Variants in FSIP2 observed in about 807,000 individuals in gnomAD.
FSIP2 encodes the protein fibrous sheath interacting protein 2.
FSIP2 carries 367 observed loss-of-function variants against 510.5 expected under a neutral mutation model. The ratio of observed to expected loss-of-function variants is 0.72; its 90% CI spans 0.66 to 0.78. FSIP2 has a LOEUF of 0.78. Ranked by LOEUF, FSIP2 falls within the 30% of genes least tolerant of loss-of-function variation. The pLI is 0.00. For synonymous variants in FSIP2, 2,601 were observed against 2,732.2 expected, an observed-to-expected ratio of 0.95 and a Z score of 1.50; for missense variants, 7,594 against 7,901.7, an observed-to-expected ratio of 0.96 and a Z score of 1.48.
rs543269891 is a variant in FSIP2, at chr2:185,782,218, A to T, written c.1412-487A>T. On this transcript the variant is annotated intron_variant, in intron 13 of 22. Transcript: ENST00000424728. ...ATCAGGTGTACACAAGAGTAAACATAATTACTGTGTAGCATGATGAGTTTT... is the reference window on the plus strand; with the variant it reads ...ATCAGGTGTACACAAGAGTAAACATTATTACTGTGTAGCATGATGAGTTTT... Among the ~76,000 whole-genome samples, 163 of 152,302 alleles carry T rather than the reference A, an allele frequency of 1.1e-3. 5 individuals carry two copies. In the South Asian group the frequency reaches 0.033, roughly 31 times the overall value.
At position 185,795,578 on chromosome 2, in the gene FSIP2, A is replaced by G; in HGVS notation, c.8442A>G (p.Gln2814=). 3.9e-6 allele frequency: 6 copies of G among 1,535,130 alleles called. No homozygotes were observed. The highest frequency in any genetic ancestry group is 1.4e-5 in the African/African-American group (1 of 73,024). The change falls in exon 16 of 23, where the codon CAA becomes CAG. Residue 2814 remains glutamine, a synonymous_variant. Transcript: ENST00000424728. ...TAGGCACAGGATCCCTTCCTAAACAACAAGCATGTTTTTACTTGGAGAATG... is the reference window on the plus strand; with the variant it reads ...TAGGCACAGGATCCCTTCCTAAACAGCAAGCATGTTTTTACTTGGAGAATG... The part of the protein sequence containing the change: ...GNIGTGSLPK[Q]QACFYLENVS...
upstream of FSIP2, among the ~76,000 whole-genome samples, chr2:185,737,228 A>G (rs749501548): frequency 2.3e-4 from 35 of 152,194 alleles, no homozygotes; most frequent in Non-Finnish European, 3.8e-4. Flanking sequence ...GTAAGGTAAT[A>G]TATTTGTGGT....
intron 17 of FSIP2, among the ~76,000 whole-genome samples, chr2:185,809,706 G>A (rs1045157521): frequency 1.3e-5 from 2 of 151,698 alleles, no homozygotes; most frequent in Admixed American, 6.6e-5. Flanking sequence ...ATTTGCCCTG[G>A]CCTCTCAAGA....
chr2:185,739,092 C>T, intron 1 of FSIP2, 99 bp downstream of exon 1: 1 of 1,389,196 alleles, frequency 7.2e-7, no homozygotes, highest in Non-Finnish European at 9.5e-7. Context: ...AGGCTCCCAA[C>T]TGTCCCCCGT....
In FSIP2 at chr2:185,789,274, G is replaced by A. The variant is rs1390911813; in HGVS notation, c.2138G>A (p.Arg713Gln). The A allele has an allele frequency of 8.5e-6, 13 of 1,534,464 alleles. No individual in the cohort carries two copies. In the Middle Eastern group the frequency reaches 5.0e-4, roughly 59 times the overall value. ...ETEVILESIL[R>Q]EIMSDLTQAI... The stretch of plus-strand genomic sequence containing the variant: ...GAAGTGATTTTAGAAAGCATTTTGC[G>A]AGAAATAATGTCTGATTTAACCCAG... The change falls in exon 16 of 23, where the codon CGA becomes CAA. Residue 713 changes from arginine (R) to glutamine (Q), a missense_variant. Coordinates refer to ENST00000424728, the MANE Select transcript of FSIP2 (RefSeq NM_173651.4).
chr2:185,806,781 T>C lies in FSIP2; in HGVS notation c.17475T>C (p.Tyr5825=). ...VSDKQNQAKL[Y]DTAMKLINSL... ...ATAAGCAAAATCAAGCCAAACTCTATGACACTGCTATGAAACTCATCAATT... is the reference window on the plus strand; with the variant it reads ...ATAAGCAAAATCAAGCCAAACTCTACGACACTGCTATGAAACTCATCAATT... The change falls in exon 17 of 23, where the codon TAT becomes TAC. Residue 5825 remains tyrosine (Y), a synonymous_variant. Coordinates refer to ENST00000424728, the MANE Select transcript of FSIP2 (RefSeq NM_173651.4). 2 of 1,612,020 alleles carry C rather than the reference T, an allele frequency of 1.2e-6. No individual in the cohort carries two copies.
At chr2:185,763,642 AT>A (rs998470355) in intron 12 of FSIP2, among the ~76,000 whole-genome samples, 3 of 151,434 alleles carry the variant, frequency 2.0e-5, no homozygotes, top group Admixed American at 6.6e-5. Context: ...CATGAAATAG[AT>A]TTTTTTCTGT....
In FSIP2 at chr2:185,808,936, A is replaced by G. The variant is rs1693661853; in HGVS notation, c.19630A>G (p.Ile6544Val). ...AATTATTTCAGAACACTTAGCAGTT[A>G]TTTCTATAAAAACTCAACCTCTTGA... ...PKIISEHLAVISIKTQPLEKL... is the reference protein window; with the variant it reads ...PKIISEHLAVVSIKTQPLEKL... The change falls in exon 17 of 23, where the codon ATT (isoleucine) becomes GTT (valine). Residue 6544 changes from isoleucine to valine, a missense_variant. Coordinates refer to ENST00000424728, the MANE Select transcript of FSIP2 (RefSeq NM_173651.4). 6.2e-7 allele frequency: 1 copy of G among 1,607,712 alleles called. No individual in the cohort carries two copies.
chr2:185,745,186 T>C (rs1337227072), intron 4 of FSIP2: 2 of 266,592 alleles, frequency 7.5e-6, no homozygotes, highest in Admixed American at 5.2e-5. Flanking sequence ...CTTCTCTACT[T>C]CCTGCATATT....
At position 185,794,043 on chromosome 2, in the gene FSIP2, A is replaced by T. The variant is rs1343032072; in HGVS notation, c.6907A>T (p.Ser2303Cys). ...KQNDSIFYDS[S>C]QVESDVNVLK... is the part of the protein sequence containing the mutation. Reference sequence around the variant, plus strand: ...AAATGACAGCATCTTTTATGATTCAAGCCAAGTGGAATCAGATGTAAATGT... The same window carrying T: ...AAATGACAGCATCTTTTATGATTCATGCCAAGTGGAATCAGATGTAAATGT... Residue 2303 changes from serine to cysteine, a missense_variant, in exon 16 of 23, where the codon AGC becomes TGC. Coordinates refer to ENST00000424728, the MANE Select transcript of FSIP2 (RefSeq NM_173651.4). 4 of 1,533,762 alleles carry T rather than the reference A, an allele frequency of 2.6e-6. No individual in the cohort carries two copies. The highest frequency in any genetic ancestry group is 3.5e-6 in the Non-Finnish European group (4 of 1,145,276).
intron 22 of FSIP2, among the ~76,000 whole-genome samples, chr2:185,832,304 A>G (rs1694122353): frequency 1.3e-5 from 2 of 151,908 alleles, no homozygotes; most frequent in Admixed American, 6.6e-5. Context: ...TACCATAAAC[A>G]ACAGCAGCAG....
chr2:185,817,375 G>C (rs1422096686), intron 19 of FSIP2, among the ~76,000 whole-genome samples: 1 of 152,036 alleles, frequency 6.6e-6, no homozygotes, highest in Non-Finnish European at 1.5e-5. Flanking sequence ...ACCTTCGGCA[G>C]AAATTATGGG....
rs2105521005 is a variant in FSIP2 at position 185,738,900 on chromosome 2, G to A, written c.6G>A (p.Glu2=). M[E]LYLGACSKPA... is the part of the protein sequence containing the mutation. Reference sequence around the variant, plus strand: ...CTGAGGGGGCTGTGCCGGCCATGGAGCTGTACCTCGGCGCCTGCTCCAAGC... The same window carrying A: ...CTGAGGGGGCTGTGCCGGCCATGGAACTGTACCTCGGCGCCTGCTCCAAGC... The change falls in exon 1 of 23, where the codon GAG becomes GAA. Residue 2 remains glutamate, a synonymous_variant. Coordinates refer to ENST00000424728, the MANE Select transcript of FSIP2 (RefSeq NM_173651.4). 6.5e-7 allele frequency: 1 copy of A among 1,535,292 alleles called. No individual in the cohort carries two copies. Among genetic ancestry groups the A allele is most frequent in the Non-Finnish European group, 8.7e-7 (1 of 1,146,730 alleles).
chr2:185,814,682 A>G lies in FSIP2; in HGVS notation c.20325+640A>G, dbSNP rs532702069. On this transcript the variant is annotated intron_variant, in intron 18 of 22. Transcript: ENST00000424728. ...CTTTTGAGTTTGGTCCTGCAGTATAATCTACATTTTAATGGAAAAAAGTTT... is the reference window on the plus strand; with the variant it reads ...CTTTTGAGTTTGGTCCTGCAGTATAGTCTACATTTTAATGGAAAAAAGTTT... Among the ~76,000 whole-genome samples the G allele has an allele frequency of 1.5e-4, 23 of 152,134 alleles. 1 individual carries two copies. The South Asian group carries it at 3.9e-3, about 26-fold the overall frequency.
At chr2:185,780,379 A>ATGTTCTC (rs1692819950) in intron 13 of FSIP2, among the ~76,000 whole-genome samples, 2 of 151,812 alleles carry the variant, frequency 1.3e-5, no homozygotes, top group South Asian at 4.1e-4. Context: ...TTCTTCAAAT[A>ATGTTCTC]TGTTCTCTAG....
intron 2 of FSIP2, among the ~76,000 whole-genome samples, chr2:185,739,683 A>T (rs1691882842): frequency 6.6e-6 from 1 of 152,204 alleles, no homozygotes; most frequent in Non-Finnish European, 1.5e-5. Flanking sequence ...GAAAGTTTAG[A>T]TTCTTAGTCC....
At chr2:185,773,299 T>C (rs1692647776) in intron 13 of FSIP2, among the ~76,000 whole-genome samples, 1 of 152,200 alleles carries the variant, frequency 6.6e-6, no homozygotes, top group African/African-American at 2.4e-5. Context: ...CTATTTTTCT[T>C]TCAAAACTTT....
At chr2:185,785,061 A>C (rs899883581) in intron 14 of FSIP2, among the ~76,000 whole-genome samples, 9 of 152,100 alleles carry the variant, frequency 5.9e-5, no homozygotes, top group African/African-American at 2.2e-4. Flanking sequence ...AACTGCTACC[A>C]ATGAATACAT....
intron 13 of FSIP2, among the ~76,000 whole-genome samples, chr2:185,779,640 A>AT (rs777833358): frequency 3.2e-4 from 48 of 152,102 alleles, no homozygotes; most frequent in Non-Finnish European, 6.3e-4. Flanking sequence ...AAATTTTGAC[A>AT]TTTTAAAGGT....
Sources: gnomAD v4.1 joint callset for allele counts (sites outside exome capture counted in the v4.1 genomes callset) on GRCh38, gnomAD v4.1.1 for gene constraint, MANE v1.5 for transcripts, NCBI Gene and HGNC (gene_info 2026-07-23, HGNC 2026-07-21) for gene names.